Variants in PRKG1 observed in about 807,000 individuals in gnomAD.
PRKG1 encodes the protein protein kinase cGMP-dependent 1.
Under a neutral mutation model 88.1 loss-of-function variants are expected in PRKG1, and 35 were observed. The ratio of observed to expected loss-of-function variants is 0.40; its 90% confidence interval spans 0.30 to 0.53. The LOEUF (loss-of-function observed/expected upper bound fraction) is 0.53. Among genes scored for constraint, PRKG1 ranks in the 20% least tolerant of loss-of-function variants. The pLI, the probability that PRKG1 is intolerant of heterozygous loss-of-function variation, is 0.59. For synonymous variants in PRKG1, 303 were observed against 292.5 expected (o/e 1.04, Z -0.37); for missense variants, 540 against 839.8 (o/e 0.64, Z 4.41).
intron 3 of PRKG1, among the ~76,000 whole-genome samples, chr10:51,761,986 T>C (rs1024735525): frequency 3.9e-5 from 6 of 152,190 alleles, no homozygotes; most frequent in African/African-American, 1.4e-4. Flanking sequence ...AAGAACATGC[T>C]ATTAACCCCC....
At chr10:51,922,813 G>A (rs1258088018) in intron 5 of PRKG1, among the ~76,000 whole-genome samples, 2 of 151,852 alleles carry the variant, frequency 1.3e-5, no homozygotes, top group Non-Finnish European at 2.9e-5. Context: ...ATGACACAGA[G>A]TGTGGTTTAT....
At chr10:51,720,820 C>A (rs1323032739) in intron 3 of PRKG1, among the ~76,000 whole-genome samples, 2 of 152,100 alleles carry the variant, frequency 1.3e-5, no homozygotes, top group African/African-American at 2.4e-5. Context: ...AATGACTAGA[C>A]CTCTCTGAGT....
rs538190645 is a variant in PRKG1 at position 51,283,796 on chromosome 10, T to C, written c.478+130466T>C. Among the ~76,000 whole-genome samples, 7 of 152,286 alleles carry C rather than the reference T, an allele frequency of 4.6e-5. No individual in the cohort carries two copies. The East Asian group carries it at 1.4e-3, about 29-fold the overall frequency. ...AGTGAAATCAAAGAGTTGATAAAAC[T>C]GATTTACCACACTCTGTTATGAACC... On this transcript the variant is annotated intron_variant, in intron 2 of 17. Coordinates refer to ENST00000373980, the MANE Select transcript of PRKG1 (RefSeq NM_006258.4).
intron 5 of PRKG1, among the ~76,000 whole-genome samples, chr10:51,927,501 C>A (rs1453340047): frequency 6.6e-6 from 1 of 152,130 alleles, no homozygotes; most frequent in Admixed American, 6.6e-5. Context: ...TGGAAACCTG[C>A]ACGTTAAATA....
intron 2 of PRKG1, among the ~76,000 whole-genome samples, chr10:51,431,786 T>G (rs556372497): frequency 6.6e-6 from 1 of 152,256 alleles, no homozygotes; most frequent in East Asian, 1.9e-4. Context: ...TTAAATGGCA[T>G]AAACTAGAAG....
At chr10:51,778,838 G>A (rs547542888) in intron 3 of PRKG1, among the ~76,000 whole-genome samples, 4 of 152,212 alleles carry the variant, frequency 2.6e-5, no homozygotes, top group South Asian at 2.1e-4. Flanking sequence ...GAAGTAATCC[G>A]GATGTCAGTA....
At chr10:52,010,438 G>A (rs995655677) in intron 5 of PRKG1, among the ~76,000 whole-genome samples, 4 of 151,970 alleles carry the variant, frequency 2.6e-5, no homozygotes, top group Non-Finnish European at 5.9e-5. Flanking sequence ...CAGCCAATAC[G>A]CATATAAAAA....
chr10:51,559,123 A>C (rs181358367), intron 3 of PRKG1, among the ~76,000 whole-genome samples: 24 of 152,206 alleles, frequency 1.6e-4, no homozygotes, highest in Admixed American at 1.6e-3. Context: ...ACATATATAT[A>C]TGGCTTGGTA....
chr10:51,214,803 G>A (rs573938871), intron 2 of PRKG1, among the ~76,000 whole-genome samples: 1 of 152,196 alleles, frequency 6.6e-6, no homozygotes, highest in African/African-American at 2.4e-5. Flanking sequence ...AAATATCAAT[G>A]AACTAACAGC....
chr10:51,536,306 TG>T (rs1022134379), intron 3 of PRKG1, among the ~76,000 whole-genome samples: 25 of 152,324 alleles, frequency 1.6e-4, no homozygotes, highest in East Asian at 1.2e-3. Flanking sequence ...TGATACTGAA[TG>T]TTTTTTTATG....
intron 3 of PRKG1, among the ~76,000 whole-genome samples, chr10:51,562,138 C>T (rs1203620543): frequency 2.6e-5 from 4 of 151,642 alleles, no homozygotes; most frequent in South Asian, 2.1e-4. Flanking sequence ...GCAGGAGAAT[C>T]GCTTGAGCCC....
At chr10:51,665,516 T>C (rs1226265381) in intron 3 of PRKG1, among the ~76,000 whole-genome samples, 5 of 152,154 alleles carry the variant, frequency 3.3e-5, no homozygotes, top group Non-Finnish European at 4.4e-5. Context: ...TTAAGACAAA[T>C]GTATTGTGTC....
chr10:51,162,866 T>G (rs1039990432), intron 2 of PRKG1, among the ~76,000 whole-genome samples: 1 of 152,164 alleles, frequency 6.6e-6, no homozygotes, highest in African/African-American at 2.4e-5. Context: ...TACAGGTTCA[T>G]GACACCATAC....
intron 2 of PRKG1, among the ~76,000 whole-genome samples, chr10:51,424,252 A>G (rs938858582): frequency 7.2e-5 from 11 of 152,114 alleles, no homozygotes; most frequent in African/African-American, 2.7e-4. Flanking sequence ...ATTCTAGAGT[A>G]TCATTCATTT....
chr10:51,758,197 T>G (rs1837920725), intron 3 of PRKG1, among the ~76,000 whole-genome samples: 1 of 152,236 alleles, frequency 6.6e-6, no homozygotes, highest in Non-Finnish European at 1.5e-5. Context: ...ACGTACAGTC[T>G]ATTACTGCAG....
chr10:51,178,620 G>A (rs764062598), intron 2 of PRKG1, among the ~76,000 whole-genome samples: 22 of 152,134 alleles, frequency 1.4e-4, no homozygotes, highest in Admixed American at 3.3e-4. Flanking sequence ...CTGGAAGACA[G>A]AGTGAGAACC....
At position 51,205,127 on chromosome 10, in the gene PRKG1, C is replaced by CTTTTTT. The variant is rs58176913; in HGVS notation, c.478+51822_478+51827dup. ...TAAGGAAGAATTTTCATTTTCTTTTCTTTTTTTTTTTTTTTTTTTTTTTTT... is the reference window on the plus strand; with the variant it reads ...TAAGGAAGAATTTTCATTTTCTTTTCTTTTTTTTTTTTTTTTTTTTTTTTTTTTTTT... On this transcript the variant is annotated intron_variant, in intron 2 of 17. Transcript: ENST00000373980. Among the ~76,000 whole-genome samples the CTTTTTT allele has an allele frequency of 9.7e-3, 623 of 63,960 alleles. 36 individuals carry two copies. Among genetic ancestry groups the CTTTTTT allele is most frequent in the Non-Finnish European group, 0.014 (466 of 33,214 alleles). 42.0% of individuals were successfully genotyped at this position (63,960 alleles called of 152,430 possible).
chr10:52,214,257 A>G (rs1840055622), intron 9 of PRKG1, among the ~76,000 whole-genome samples: 1 of 152,190 alleles, frequency 6.6e-6, no homozygotes, highest in African/African-American at 2.4e-5. Flanking sequence ...TTGGAAGAAA[A>G]GAAAGTAATA....
intron 10 of PRKG1, among the ~76,000 whole-genome samples, chr10:52,267,684 C>T (rs7077931): frequency 0.029 from 4,446 of 151,808 alleles, 292 homozygotes; most frequent in East Asian, 0.23. Flanking sequence ...CACTAACATA[C>T]GAACACACTG....
Sources: gnomAD v4.1 joint callset for allele counts (sites outside exome capture counted in the v4.1 genomes callset) on GRCh38, gnomAD v4.1.1 for gene constraint, MANE v1.5 for transcripts, NCBI Gene and HGNC (gene_info 2026-07-23, HGNC 2026-07-21) for gene names.